Variants in FGF1 observed in about 807,000 individuals in gnomAD.
FGF1 encodes beta-endothelial cell growth factor.
In FGF1, 9 loss-of-function variants were observed where a neutral mutation model predicts 13.4. The ratio of observed to expected loss-of-function variants is 0.67; its 90% CI spans 0.40 to 1.17. The LOEUF is 1.17. Among genes scored for constraint, FGF1 ranks in the 50% most tolerant of loss-of-function variants. The pLI, the probability that FGF1 is intolerant of heterozygous loss-of-function variation, is 0.01. For missense variants in FGF1, 156 were observed against 192.7 expected, an observed-to-expected ratio of 0.81 and a Z score of 1.13; for synonymous variants, 93 against 79.0, an observed-to-expected ratio of 1.18 and a Z score of -0.94.
At chr5:142,624,326 C>T (rs1762124053) in intron 1 of FGF1, among the ~76,000 whole-genome samples, 2 of 152,210 alleles carry the variant, frequency 1.3e-5, no homozygotes, top group African/African-American at 4.8e-5. Flanking sequence ...CTTGGCTTCA[C>T]AAAGTGCTGG....
rs75194280 is a variant in FGF1 at position 142,618,141 on chromosome 5, G to A, written c.-34-3980C>T. On this transcript the variant is annotated intron_variant, in intron 1 of 3. Transcript: ENST00000337706. ...ACTCCGTGTCACCATTGTGCACGAAGCCTAGCCCTTTGAGATTTGGGGTAC... is the reference window on the plus strand; with the variant it reads ...ACTCCGTGTCACCATTGTGCACGAAACCTAGCCCTTTGAGATTTGGGGTAC... Among the ~76,000 whole-genome samples, 691 of 152,280 alleles carry A rather than the reference G, an allele frequency of 4.5e-3. 11 individuals are homozygous for A. The highest frequency in any genetic ancestry group is 0.024 in the Middle Eastern group (7 of 294).
At chr5:142,681,442 T>G (rs1280691472) in intron 1 of FGF1, among the ~76,000 whole-genome samples, 1 of 152,148 alleles carries the variant, frequency 6.6e-6, no homozygotes, top group Non-Finnish European at 1.5e-5. Context: ...CAGAAAAACC[T>G]TAGCCCCACT....
chr5:142,696,476 T>A (rs1050512484), intron 2 of FGF1, among the ~76,000 whole-genome samples: 5 of 152,144 alleles, frequency 3.3e-5, no homozygotes, highest in Non-Finnish European at 7.4e-5. Flanking sequence ...ATTCGTTCTA[T>A]GAGATTGACC....
intron 1 of FGF1, among the ~76,000 whole-genome samples, chr5:142,660,707 G>A (rs1561694069): frequency 6.6e-6 from 1 of 152,162 alleles, no homozygotes; most frequent in African/African-American, 2.4e-5. Context: ...TAATGCCAAA[G>A]ACACACACTC....
chr5:142,670,847 G>T (rs17223241), intron 1 of FGF1, among the ~76,000 whole-genome samples: 3 of 152,158 alleles, frequency 2.0e-5, no homozygotes, highest in Non-Finnish European at 4.4e-5. Context: ...GGCCATTTCG[G>T]TTTTGAGAGC....
chr5:142,648,689 C>CAAAA (rs11451715), intron 1 of FGF1, among the ~76,000 whole-genome samples: 310 of 65,936 alleles, frequency 4.7e-3, no homozygotes, highest in South Asian at 7.0e-3. Flanking sequence ...CCCCACCAAC[C>CAAAA]AAAAAAAAAA....
chr5:142,647,030 C>T (rs999628143), intron 1 of FGF1, among the ~76,000 whole-genome samples: 3 of 152,118 alleles, frequency 2.0e-5, no homozygotes, highest in Non-Finnish European at 4.4e-5. Flanking sequence ...GTTTCCAGGG[C>T]CCCAGTATAA....
chr5:142,670,069 G>A (rs947178972), intron 1 of FGF1, among the ~76,000 whole-genome samples: 1 of 152,174 alleles, frequency 6.6e-6, no homozygotes, highest in African/African-American at 2.4e-5. Flanking sequence ...CTGCCCCACA[G>A]CTTTGCTGTT....
At chr5:142,605,967 C>T (rs1396801511) in intron 2 of FGF1, among the ~76,000 whole-genome samples, 2 of 152,286 alleles carry the variant, frequency 1.3e-5, no homozygotes, top group Admixed American at 6.5e-5. Flanking sequence ...GGCCACACAG[C>T]AGCAGCTTTT....
intron 2 of FGF1, among the ~76,000 whole-genome samples, chr5:142,604,018 C>A (rs1257982877): frequency 2.0e-5 from 3 of 152,158 alleles, no homozygotes; most frequent in African/African-American, 7.2e-5. Context: ...CACAAAGGAC[C>A]ATGTGTTTTA....
intron 1 of FGF1, among the ~76,000 whole-genome samples, chr5:142,652,643 C>T (rs964011744): frequency 6.6e-6 from 1 of 152,252 alleles, no homozygotes; most frequent in Admixed American, 6.5e-5. Context: ...CAGGCCACTA[C>T]TCTCCATCTC....
At chr5:142,632,669 T>C (rs191311377) in intron 1 of FGF1, among the ~76,000 whole-genome samples, 102 of 152,348 alleles carry the variant, frequency 6.7e-4, no homozygotes, top group African/African-American at 2.4e-3. Context: ...AGCAGAATCA[T>C]ATATAGTGAA....
intron 1 of FGF1, among the ~76,000 whole-genome samples, chr5:142,640,999 T>G (rs1300065788): frequency 2.0e-5 from 3 of 152,086 alleles, no homozygotes; most frequent in Non-Finnish European, 4.4e-5. Context: ...CTAGGATTTC[T>G]GGATAACACT....
intron 3 of FGF1, among the ~76,000 whole-genome samples, chr5:142,599,919 T>C (rs1434788718): frequency 6.6e-6 from 1 of 152,204 alleles, no homozygotes; most frequent in East Asian, 1.9e-4. Flanking sequence ...AATGTTGAAT[T>C]AAGTTATTAA....
intron 1 of FGF1, among the ~76,000 whole-genome samples, chr5:142,621,639 C>G (rs1761652247): frequency 6.6e-6 from 1 of 152,166 alleles, no homozygotes; most frequent in Non-Finnish European, 1.5e-5. Flanking sequence ...TAATTCCCAT[C>G]TATATCCCCC....
chr5:142,646,116 A>G lies in FGF1; in HGVS notation c.-34-31955T>C, dbSNP rs537432633. Among the ~76,000 whole-genome samples, 445 of 149,716 alleles carry G rather than the reference A, an allele frequency of 3.0e-3. 5 individuals carry two copies. Among genetic ancestry groups the G allele is most frequent in the African/African-American group, 0.01 (420 of 40,626 alleles). ...AGTAGAGATGGGGTTTCAGTGTGTT[A>G]GCCAGGATGGTCTCGATCTCCTGAC... On this transcript the variant is annotated intron_variant, in intron 1 of 3. Transcript: ENST00000337706.
At chr5:142,693,831 A>T (rs1172701705) in intron 2 of FGF1, among the ~76,000 whole-genome samples, 2 of 152,256 alleles carry the variant, frequency 1.3e-5, no homozygotes, top group Admixed American at 1.3e-4. Flanking sequence ...GTTCTTCTGT[A>T]TTGGAGAACA....
intron 1 of FGF1, among the ~76,000 whole-genome samples, chr5:142,646,650 C>A (rs1766198653): frequency 6.6e-6 from 1 of 152,126 alleles, no homozygotes; most frequent in South Asian, 2.1e-4. Flanking sequence ...TGCGCCTGGC[C>A]CCGGCTAATT....
chr5:142,666,604 A>G, intron 1 of FGF1, among the ~76,000 whole-genome samples: 1 of 152,234 alleles, frequency 6.6e-6, no homozygotes, highest in Non-Finnish European at 1.5e-5. Context: ...AAAGATGTCT[A>G]CATTATAACA....
Sources: allele counts gnomAD v4.1 joint callset (sites outside exome capture counted in the v4.1 genomes callset), GRCh38; gene constraint gnomAD v4.1.1; transcripts MANE v1.5; gene names NCBI Gene and HGNC (gene_info 2026-07-23, HGNC 2026-07-21).